INTS5: variants seen among roughly 807,000 people sequenced by gnomAD.
INTS5 encodes the protein KIAA1698.
INTS5 carries 29 observed loss-of-function variants against 60.0 expected under a neutral mutation model. The ratio of observed to expected loss-of-function variants is 0.48; its 90% CI spans 0.36 to 0.66. The LOEUF is 0.66. Ranked by LOEUF, INTS5 falls within the 30% of genes least tolerant of loss-of-function variation. INTS5 has a pLI of 0.00. For missense variants in INTS5, 1,129 were observed against 1,307.9 expected, an observed-to-expected ratio of 0.86 and a Z score of 2.11; for synonymous variants, 588 against 558.8, an observed-to-expected ratio of 1.05 and a Z score of -0.74.
At chr11:62,650,306 T>C (rs1004541857) in intron 1 of INTS5, among the ~76,000 whole-genome samples, 3 of 151,760 alleles carry the variant, frequency 2.0e-5, no homozygotes, top group Admixed American at 6.6e-5. Flanking sequence ...TTAGTACAGA[T>C]GGGGTTTCAC....
chr11:62,649,176 C>T lies in INTS5; in HGVS notation c.904G>A (p.Ala302Thr), dbSNP rs1944574052. 2 of 1,613,806 alleles carry T rather than the reference C, an allele frequency of 1.2e-6. No homozygotes were observed. The highest frequency in any genetic ancestry group is 1.7e-6 in the Non-Finnish European group (2 of 1,179,760). ...CGGATGCTATCTCCGTGGCGGGAGG[C>T]CAGGTGACCTAGGATGCCTACAACT... ...ASVVGILGHL[A>T]SRHGDSIRRE... The change falls in exon 2 of 2, where the codon GCC becomes ACC. Residue 302 changes from alanine to threonine, a missense_variant. By Grantham distance (58) the Ala-to-Thr change is moderately conservative. Around this residue, in one of 3 missense-constraint regions of INTS5, gnomAD observed 1,070 missense variants for 1,246.1 expected, o/e 0.86. Coordinates refer to ENST00000330574, the MANE Select transcript of INTS5 (RefSeq NM_030628.2). This position sits in a 1 kb window ranked among gnomAD's most constrained non-coding sequence, Gnocchi z 6.0.
chr11:62,648,253 G>A lies in INTS5; in HGVS notation c.1827C>T (p.Asp609=), dbSNP rs1200275213. ...CAGGATGTAGCAGGAGAGGAGCCAG[G>A]TCAGACAGATGGGCTGAGGCAGATT... ...FGESASAHLS[D]LAPLLLHPEE... The change falls in exon 2 of 2, where the codon GAC becomes GAT. Residue 609 remains aspartate, a synonymous_variant. Coordinates refer to ENST00000330574, the MANE Select transcript of INTS5 (RefSeq NM_030628.2). The surrounding 1 kb of genome is among the most constrained non-coding windows in gnomAD (Gnocchi z 4.4). 1.9e-6 allele frequency: 3 copies of A among 1,613,714 alleles called. No individual in the cohort carries two copies. The highest frequency in any genetic ancestry group is 2.5e-6 in the Non-Finnish European group (3 of 1,180,040).
Sources: allele counts gnomAD v4.1 joint callset (sites outside exome capture counted in the v4.1 genomes callset), GRCh38; gene constraint gnomAD v4.1.1; regional missense constraint gnomAD v4.1.1; non-coding constraint Gnocchi (gnomAD v3.1); transcripts MANE v1.5; gene names NCBI Gene and HGNC (gene_info 2026-07-23, HGNC 2026-07-21).